The following CFHR1 variants were observed in gnomAD, a reference collection of about 807,000 sequenced individuals.
The protein encoded by CFHR1 is complement factor H-related protein 1.
In CFHR1, 22 loss-of-function variants were observed where a neutral mutation model predicts 30.4. That is an observed-to-expected ratio of 0.72 (90% CI 0.52 to 1.03). CFHR1 has a LOEUF of 1.03. Among genes scored for constraint, CFHR1 ranks in the 50% least tolerant of loss-of-function variants. The pLI is 0.00. For synonymous variants in CFHR1, 95 were observed against 129.1 expected (o/e 0.74, Z 1.79); for missense variants, 248 against 380.6 (o/e 0.65, Z 2.90).
intron 3 of CFHR1, among the ~76,000 whole-genome samples, chr1:196,827,746 G>T (rs1299076851): frequency 5.6e-5 from 5 of 89,382 alleles, no homozygotes; most frequent in Admixed American, 4.7e-4. Context: ...AAATAGAACT[G>T]GTAATATTTG....
rs1445746097 is a variant in CFHR1 at position 196,826,355 on chromosome 1, C to A, written c.254-474C>A. 1.1e-4 allele frequency among the ~76,000 whole-genome samples: 15 copies of A among 135,210 alleles called. 5 individuals are homozygous for A. Among genetic ancestry groups the A allele is most frequent in the African/African-American group, 4.4e-4 (14 of 31,680 alleles). 88.7% of individuals were successfully genotyped at this position (135,210 alleles called of 152,430 possible). On this transcript the variant is annotated intron_variant, in intron 2 of 5. Coordinates refer to ENST00000320493, the MANE Select transcript of CFHR1 (RefSeq NM_002113.3). ...ATAGAGCAAGAAAATGAAATATTTT[C>A]TTCTATATATACATATAAAAGAACC... is the stretch of plus-strand genomic sequence containing the variant.
rs545966237 is a variant in CFHR1, at chr1:196,826,857, T to C, written c.282T>C (p.Asn94=). Residue 94 remains asparagine (N), a synonymous_variant, in exon 3 of 6, where the codon AAT becomes AAC. Transcript: ENST00000320493. ...LRLCFFPFVE[N]GHSESSGQTH... ...TGTGTTTCTTTCCTTTTGTGGAAAATGGTCATTCTGAATCTTCAGGACAAA... is the reference window on the plus strand; with the variant it reads ...TGTGTTTCTTTCCTTTTGTGGAAAACGGTCATTCTGAATCTTCAGGACAAA... The C allele has an allele frequency of 6.6e-7, 1 of 1,524,922 alleles. No homozygotes were observed. Among genetic ancestry groups the C allele is most frequent in the Non-Finnish European group, 8.9e-7 (1 of 1,129,416 alleles). 94.5% of individuals were successfully genotyped at this position (1,524,922 alleles called of 1,614,324 possible).
At chr1:196,823,939 G>A (rs958915578) in intron 1 of CFHR1, among the ~76,000 whole-genome samples, 4 of 134,276 alleles carry the variant, frequency 3.0e-5, no homozygotes, top group African/African-American at 1.3e-4. Flanking sequence ...CAATCTTGCT[G>A]TGAAAAACCT....
intron 4 of CFHR1, among the ~76,000 whole-genome samples, chr1:196,829,550 A>T (rs1257412064): frequency 1.5e-5 from 2 of 134,214 alleles, no homozygotes; most frequent in African/African-American, 6.4e-5. Flanking sequence ...GAGAATGTCT[A>T]TATTTACCCC....
intron 2 of CFHR1, 121 bp downstream of exon 2, chr1:196,825,792 G>GGGACTACATCTCCC: frequency 1.0e-6 from 1 of 994,708 alleles, no homozygotes; most frequent in Non-Finnish European, 1.5e-6. Flanking sequence ...GGAAAGATGG[G>GGGACTACATCTCCC]AGATGTAGTC....
Position 196,832,115 on chromosome 1 carries a change from T to C in CFHR1, c.*116T>C, listed in dbSNP as rs1372717691. 5.8e-6 allele frequency: 6 copies of C among 1,043,256 alleles called. 2 individuals carry two copies. In the African/African-American group the frequency reaches 1.3e-4, roughly 22 times the overall value. The allele number at this position is 1,043,256 out of a possible 1,614,324, so 64.6% of individuals were successfully genotyped here. On this transcript the variant is annotated 3_prime_UTR_variant, in exon 6 of 6. Transcript: ENST00000320493. ...TTCATACGTAAAATTTTGGATTAATTTGTGAAAATGTAATTATAAGCTGAG... is the reference window on the plus strand; with the variant it reads ...TTCATACGTAAAATTTTGGATTAATCTGTGAAAATGTAATTATAAGCTGAG...
At chr1:196,828,301 T>G in intron 4 of CFHR1, 55 bp downstream of exon 4, 1 of 1,135,028 alleles carries the variant, frequency 8.8e-7, no homozygotes, top group Non-Finnish European at 1.2e-6. Context: ...GGTTAAAATA[T>G]GTTGATTTAA....
Position 196,823,132 on chromosome 1 carries a change from T to C in CFHR1, c.59-2345T>C, listed in dbSNP as rs1394898874. On this transcript the variant is annotated intron_variant, in intron 1 of 5. Coordinates refer to ENST00000320493, the MANE Select transcript of CFHR1 (RefSeq NM_002113.3). ...GTGTGTGTGTGTGTGTGTGTGTGTG[T>C]GTATCCCAGAAGAAATGTATTCACA... Among the ~76,000 whole-genome samples the C allele has an allele frequency of 2.3e-5, 3 of 131,890 alleles. 1 individual carries two copies. The highest frequency in any genetic ancestry group is 9.9e-5 in the African/African-American group (3 of 30,234). The allele number at this position is 131,890 out of a possible 152,430, so 86.5% of individuals were successfully genotyped here. A position where few individuals can be genotyped will look rare whatever the true frequency, so the allele number is the denominator to read the frequency against.
At chr1:196,821,214 T>C (rs564171527) in intron 1 of CFHR1, 1 of 135,842 alleles carries the variant, frequency 7.4e-6, no homozygotes, top group Non-Finnish European at 1.5e-5. Flanking sequence ...ATGAGTGTAT[T>C]TGATTTTTCT....
At chr1:196,824,748 G>GTATATATATGTATATATATA (rs1655256843) in intron 1 of CFHR1, among the ~76,000 whole-genome samples, 1 of 54,998 alleles carries the variant, frequency 1.8e-5, no homozygotes, top group Admixed American at 2.2e-4. Flanking sequence ...GGGGCTGACT[G>GTATATATATGTATATATATA]TATATATATA....
chr1:196,825,261 A>G lies in CFHR1; in HGVS notation c.59-216A>G, dbSNP rs1405085150. ...ATATTTCATATCACTCCAAAATATAAATTTTATATTCATTAACAATTACCT... is the reference window on the plus strand; with the variant it reads ...ATATTTCATATCACTCCAAAATATAGATTTTATATTCATTAACAATTACCT... On this transcript the variant is annotated intron_variant, in intron 1 of 5. Coordinates refer to ENST00000320493, the MANE Select transcript of CFHR1 (RefSeq NM_002113.3). 2.0e-5 allele frequency: 8 copies of G among 393,234 alleles called. 1 individual carries two copies. Among genetic ancestry groups the G allele is most frequent in the Non-Finnish European group, 3.2e-5 (7 of 221,744 alleles). The allele number at this position is 393,234 out of a possible 1,614,324, so 24.4% of individuals were successfully genotyped here.
chr1:196,820,506 T>A (rs423855), intron 1 of CFHR1, among the ~76,000 whole-genome samples: 1 of 94,316 alleles, frequency 1.1e-5, no homozygotes, highest in African/African-American at 4.9e-5. Flanking sequence ...TACTACAAAC[T>A]GCTTCTTATG....
At position 196,823,258 on chromosome 1, in the gene CFHR1, A is replaced by G. The variant is rs190849169; in HGVS notation, c.59-2219A>G. ...CAAGAAGACATTAACACTCCTAGCT[A>G]GCACCATTGCAGATATGCACAATGA... is the stretch of plus-strand genomic sequence containing the variant. On this transcript the variant is annotated intron_variant, in intron 1 of 5. Transcript: ENST00000320493. 8.1e-5 allele frequency among the ~76,000 whole-genome samples: 11 copies of G among 135,216 alleles called. 2 individuals carry two copies. The highest frequency in any genetic ancestry group is 1.6e-4 in the Non-Finnish European group (10 of 64,360). 88.7% of individuals were successfully genotyped at this position (135,216 alleles called of 152,430 possible). A position where few individuals can be genotyped will look rare whatever the true frequency, so the allele number is the denominator to read the frequency against.
At position 196,825,428 on chromosome 1, in the gene CFHR1, A is replaced by C. The variant is rs775742200; in HGVS notation, c.59-49A>C. ...TGATTAAAATATAATCTAGTGATTT[A>C]TTTATGTAACTTATTATGTAATTCT... On this transcript the variant is annotated intron_variant, in intron 1 of 5. Coordinates refer to ENST00000320493, the MANE Select transcript of CFHR1 (RefSeq NM_002113.3). 3 of 1,237,164 alleles carry C rather than the reference A, an allele frequency of 2.4e-6. 1 individual carries two copies. In the South Asian group the frequency reaches 4.5e-5, roughly 18 times the overall value. 76.6% of individuals were successfully genotyped at this position (1,237,164 alleles called of 1,614,324 possible). A position where few individuals can be genotyped will look rare whatever the true frequency, so the allele number is the denominator to read the frequency against.
rs61818890 is a variant in CFHR1, at chr1:196,825,888, T to G, written c.253+217T>G. The G allele has an allele frequency of 0.28, 118,140 of 418,290 alleles. 26,004 individuals carry two copies. Among genetic ancestry groups the G allele is most frequent in the East Asian group, 0.41 (12,664 of 30,638 alleles). 25.9% of individuals were successfully genotyped at this position (418,290 alleles called of 1,614,324 possible). ...TGTTACCTGGAAATGCTCTACGTGT[T>G]GAAATATATTAATTTTTTTAAACTG... On this transcript the variant is annotated intron_variant, in intron 2 of 5. Coordinates refer to ENST00000320493, the MANE Select transcript of CFHR1 (RefSeq NM_002113.3).
intron 5 of CFHR1, among the ~76,000 whole-genome samples, chr1:196,830,893 C>T (rs185088455): frequency 0.025 from 3,365 of 134,210 alleles, 588 homozygotes; most frequent in Non-Finnish European, 0.036. Flanking sequence ...TTTGGGAGGC[C>T]GAGGCGGGCA....
At chr1:196,827,074 A>G in intron 3 of CFHR1, 69 bp downstream of exon 3, 1 of 1,404,978 alleles carries the variant, frequency 7.1e-7, no homozygotes, top group East Asian at 2.3e-5. Flanking sequence ...AATCTTTTTT[A>G]CAGGTTAAAT....
chr1:196,824,265 A>ATT (rs35015056), intron 1 of CFHR1, among the ~76,000 whole-genome samples: 2 of 127,162 alleles, frequency 1.6e-5, no homozygotes, highest in Admixed American at 7.7e-5. Context: ...TTTTATTTTA[A>ATT]TTTTTTTTGA....
intron 4 of CFHR1, among the ~76,000 whole-genome samples, chr1:196,829,535 T>G (rs1170726877): frequency 7.4e-6 from 1 of 134,452 alleles, no homozygotes; most frequent in Non-Finnish European, 1.6e-5. Flanking sequence ...GGTTTCCCTT[T>G]CTCTGAGAAT....
Sources: allele counts gnomAD v4.1 joint callset (sites outside exome capture counted in the v4.1 genomes callset), GRCh38; gene constraint gnomAD v4.1.1; transcripts MANE v1.5; gene names NCBI Gene and HGNC (gene_info 2026-07-23, HGNC 2026-07-21).